RNF130: variants seen among roughly 807,000 people sequenced by gnomAD.
RNF130 encodes ring finger protein 130, also known as E3 ubiquitin-protein ligase RNF130.
RNF130 carries 21 observed loss-of-function variants against 44.6 expected under a neutral mutation model. The observed-to-expected ratio is 0.47, with a 90% CI of 0.33 to 0.68. RNF130 has a LOEUF of 0.68. Among genes scored for constraint, RNF130 ranks in the 30% least tolerant of loss-of-function variants. The pLI is 0.02. For missense variants in RNF130, 479 were observed against 560.6 expected (o/e 0.85, Z 1.47); for synonymous variants, 214 against 210.4 (o/e 1.02, Z -0.15).
At chr5:179,924,267 G>A (rs913905141) in intron 7 of RNF130, among the ~76,000 whole-genome samples, 3 of 152,004 alleles carry the variant, frequency 2.0e-5, no homozygotes, top group South Asian at 2.1e-4. Flanking sequence ...AGGCTAAGGC[G>A]GGTGGATCAC....
rs114333716 is a variant in RNF130 at position 179,975,761 on chromosome 5, G to C, written c.848+2442C>G. 2.3e-3 allele frequency among the ~76,000 whole-genome samples: 351 copies of C among 152,252 alleles called. 3 individuals are homozygous for C. Among genetic ancestry groups the C allele is most frequent in the African/African-American group, 8.2e-3 (340 of 41,554 alleles). The stretch of plus-strand genomic sequence containing the variant: ...GACAACCAAGTAACAGTACCATAGA[G>C]GGTGCAGCGAAATTCCGTGAACCGT... On this transcript the variant is annotated intron_variant, in intron 5 of 8. Coordinates refer to ENST00000521389, the MANE Select transcript of RNF130 (RefSeq NM_018434.6).
intron 3 of RNF130, among the ~76,000 whole-genome samples, chr5:179,985,072 T>C (rs528740087): frequency 6.6e-6 from 1 of 152,042 alleles, no homozygotes; most frequent in East Asian, 1.9e-4. Context: ...TCATCTCCTA[T>C]TAATTTAATT....
At chr5:180,064,436 G>A (rs1765052349) in intron 1 of RNF130, among the ~76,000 whole-genome samples, 1 of 152,142 alleles carries the variant, frequency 6.6e-6, no homozygotes, top group South Asian at 2.1e-4. Context: ...GTCCCCAGAG[G>A]CAACCACTTC....
exon 8 of RNF130, chr5:179,918,547 G>A (rs2113668061): frequency 6.6e-6 from 1 of 152,262 alleles, no homozygotes; most frequent in East Asian, 1.9e-4. Flanking sequence ...TCCAGCAAAT[G>A]GGCTCCAGCT....
Position 180,065,135 on chromosome 5 carries a change from T to A in RNF130, c.247+6321A>T, listed in dbSNP as rs568809632. Reference sequence around the variant, plus strand: ...TGTTCTTGGAGCTACAGAATGAATTTAAAAAAAAAAAAAATCTTGCAAAGA... The same window carrying A: ...TGTTCTTGGAGCTACAGAATGAATTAAAAAAAAAAAAAAATCTTGCAAAGA... On this transcript the variant is annotated intron_variant, in intron 1 of 8. Transcript: ENST00000521389. Among the ~76,000 whole-genome samples, 41 of 147,080 alleles carry A rather than the reference T, an allele frequency of 2.8e-4. 1 individual carries two copies. In the South Asian group the frequency reaches 3.6e-3, roughly 13 times the overall value.
intron 5 of RNF130, 127 bp downstream of exon 5, chr5:179,978,076 G>A: frequency 1.3e-6 from 1 of 744,668 alleles, no homozygotes; most frequent in East Asian, 2.6e-5. Flanking sequence ...GCAATGCACA[G>A]CGGACTTGGC....
chr5:180,039,916 A>T (rs539436533), intron 2 of RNF130, among the ~76,000 whole-genome samples: 6 of 152,336 alleles, frequency 3.9e-5, no homozygotes, highest in African/African-American at 7.2e-5. Context: ...TAAAAAATAT[A>T]TTTAAAAACT....
intron 1 of RNF130, among the ~76,000 whole-genome samples, chr5:180,063,937 G>C (rs899390121): frequency 1.3e-5 from 2 of 152,182 alleles, no homozygotes; most frequent in African/African-American, 4.8e-5. Flanking sequence ...GAAGCCAGGA[G>C]GGGGCTGAAA....
intron 1 of RNF130, among the ~76,000 whole-genome samples, chr5:180,041,236 G>A (rs1764411984): frequency 6.6e-6 from 1 of 152,190 alleles, no homozygotes; most frequent in South Asian, 2.1e-4. Flanking sequence ...TTTGAAAGTT[G>A]AAGTAGTTAA....
intron 7 of RNF130, among the ~76,000 whole-genome samples, chr5:179,926,747 C>G (rs1761712436): frequency 6.6e-6 from 1 of 152,200 alleles, no homozygotes; most frequent in Non-Finnish European, 1.5e-5. Context: ...CACCCTGACT[C>G]ATAGCCAGTT....
At chr5:179,960,959 C>T (rs892882319) in intron 8 of RNF130, among the ~76,000 whole-genome samples, 5 of 151,798 alleles carry the variant, frequency 3.3e-5, no homozygotes, top group Admixed American at 3.3e-4. Flanking sequence ...AATTTGTTTG[C>T]TAAAATAAAC....
chr5:180,060,897 G>A (rs1159148437), intron 1 of RNF130, among the ~76,000 whole-genome samples: 2 of 151,888 alleles, frequency 1.3e-5, no homozygotes, highest in Admixed American at 1.3e-4. Context: ...GTGAAACCCC[G>A]TCTCTACTAA....
chr5:179,954,400 AAAG>A (rs1762170662), downstream of RNF130, among the ~76,000 whole-genome samples: 1 of 152,248 alleles, frequency 6.6e-6, no homozygotes, highest in African/African-American at 2.4e-5. Context: ...TTAACCACAC[AAAG>A]AAGTTCTGAC....
chr5:179,975,694 G>A (rs1762703031), intron 5 of RNF130, among the ~76,000 whole-genome samples: 1 of 152,096 alleles, frequency 6.6e-6, no homozygotes, highest in Non-Finnish European at 1.5e-5. Context: ...ACTCAGCCAG[G>A]GCAGTAAGCA....
At chr5:180,067,314 A>G (rs1188217196) in intron 1 of RNF130, among the ~76,000 whole-genome samples, 1 of 152,218 alleles carries the variant, frequency 6.6e-6, no homozygotes, top group African/African-American at 2.4e-5. Flanking sequence ...TGTACACATT[A>G]AGATCTTTGC....
chr5:180,026,018 T>C (rs1480117201), intron 2 of RNF130, among the ~76,000 whole-genome samples: 1 of 152,050 alleles, frequency 6.6e-6, no homozygotes, highest in Non-Finnish European at 1.5e-5. Context: ...GACATTTTTC[T>C]ATTCAATGCT....
chr5:179,932,486 C>T (rs1212954634), intron 7 of RNF130, among the ~76,000 whole-genome samples: 1 of 151,890 alleles, frequency 6.6e-6, no homozygotes, highest in African/African-American at 2.4e-5. Flanking sequence ...TCTCAAACTC[C>T]TGACCTCAAA....
At chr5:180,061,060 C>T (rs1213152748) in intron 1 of RNF130, among the ~76,000 whole-genome samples, 2 of 123,258 alleles carry the variant, frequency 1.6e-5, no homozygotes, top group South Asian at 3.0e-4. Context: ...GACAGCGAGA[C>T]TCCGTCTCAA....
At chr5:179,976,606 A>G (rs3776946) in intron 5 of RNF130, among the ~76,000 whole-genome samples, 30,558 of 151,550 alleles carry the variant, frequency 0.2, 3,286 homozygotes, top group Middle Eastern at 0.25. Context: ...AGTTTTATAG[A>G]TTTTCCTTTA....
Sources: gnomAD v4.1 joint callset for allele counts (sites outside exome capture counted in the v4.1 genomes callset) on GRCh38, gnomAD v4.1.1 for gene constraint, MANE v1.5 for transcripts, NCBI Gene and HGNC (gene_info 2026-07-23, HGNC 2026-07-21) for gene names.